CENPP: variants seen among roughly 807,000 people sequenced by gnomAD.
CENPP encodes centromere protein P.
A neutral mutation model predicts 35.6 loss-of-function variants in CENPP; 24 were observed. That is an observed-to-expected ratio of 0.67 (90% CI 0.49 to 0.95). The LOEUF (loss-of-function observed/expected upper bound fraction) is 0.95. Ranked by LOEUF, CENPP falls within the 40% of genes least tolerant of loss-of-function variation. The pLI is 0.00. For synonymous variants in CENPP, 120 were observed against 125.5 expected, an observed-to-expected ratio of 0.96 and a Z score of 0.29; for missense variants, 332 against 345.3, an observed-to-expected ratio of 0.96 and a Z score of 0.31.
At chr9:92,543,409 T>G (rs150971651) in intron 5 of CENPP, among the ~76,000 whole-genome samples, 34 of 140,556 alleles carry the variant, frequency 2.4e-4, no homozygotes, top group African/African-American at 9.0e-4. Context: ...GAGGTGGAGG[T>G]TGCAGTGAGC....
intron 5 of CENPP, among the ~76,000 whole-genome samples, chr9:92,581,782 A>G (rs142389946): frequency 2.2e-4 from 34 of 152,370 alleles, no homozygotes; most frequent in Non-Finnish European, 2.8e-4. Flanking sequence ...AAATATGTCA[A>G]ACAGTGACTG....
chr9:92,339,021 A>T (rs1480350008), intron 3 of CENPP, among the ~76,000 whole-genome samples: 3 of 152,218 alleles, frequency 2.0e-5, no homozygotes, highest in Non-Finnish European at 4.4e-5. Context: ...GTTGAAAGCC[A>T]GAGAAAGCAG....
chr9:92,387,901 C>T (rs748346832), intron 5 of CENPP, among the ~76,000 whole-genome samples: 10 of 151,740 alleles, frequency 6.6e-5, no homozygotes, highest in Admixed American at 2.0e-4. Context: ...GTAGCTGGGA[C>T]GACAGGTGCC....
At position 92,416,058 on chromosome 9, in the gene CENPP, G is replaced by GTGTGTGTATATATATATA. The variant is rs6151074; in HGVS notation, c.564+36200_564+36201insGTGTGTATATATATATAT. Among the ~76,000 whole-genome samples the GTGTGTGTATATATATATA allele has an allele frequency of 2.1e-4, 28 of 130,904 alleles. No homozygotes were observed. In the South Asian group the frequency reaches 2.3e-3, roughly 11 times the overall value. 85.9% of individuals were successfully genotyped at this position (130,904 alleles called of 152,430 possible). ...ATAAATAAATATATTATATATGTGT[G>GTGTGTGTATATATATATA]TATATATATATATTTATTTATTTAT... On this transcript the variant is annotated intron_variant, in intron 5 of 7. Coordinates refer to ENST00000375587, the MANE Select transcript of CENPP (RefSeq NM_001012267.3).
Position 92,377,250 on chromosome 9 carries a change from A to T in CENPP, c.468-2513A>T, listed in dbSNP as rs143761809. ...GGGAAGCCTTTCTGAGGGCTCCTTA[A>T]CCCTCACTATCTACCTAAATAATTT... On this transcript the variant is annotated intron_variant, in intron 4 of 7. Transcript: ENST00000375587. Among the ~76,000 whole-genome samples, 582 of 152,264 alleles carry T rather than the reference A, an allele frequency of 3.8e-3. 4 individuals are homozygous for T. The highest frequency in any genetic ancestry group is 0.013 in the African/African-American group (551 of 41,546).
At chr9:92,467,567 C>A (rs747789544) in intron 5 of CENPP, among the ~76,000 whole-genome samples, 2 of 152,200 alleles carry the variant, frequency 1.3e-5, no homozygotes. Context: ...TCTCAAGGAG[C>A]AGCTCTAGAT....
At position 92,618,892 on chromosome 9, in the gene CENPP, A is replaced by G. The variant is rs1851532709; in HGVS notation, c.*5743A>G. 3.1e-6 allele frequency: 1 copy of G among 322,082 alleles called. No homozygotes were observed. The highest frequency in any genetic ancestry group is 2.7e-5 in the South Asian group (1 of 37,148). The allele number at this position is 322,082 out of a possible 1,614,324, so 20.0% of individuals were successfully genotyped here. ...GCAAATACTGGGTGCAGGGTTTAGC[A>G]CCCCTGAAGATCGGTGATGGAGATG... On this transcript the variant is annotated 3_prime_UTR_variant, in exon 8 of 8. Transcript: ENST00000375587.
chr9:92,534,443 C>T (rs1320742195), intron 5 of CENPP, among the ~76,000 whole-genome samples: 1 of 152,192 alleles, frequency 6.6e-6, no homozygotes, highest in African/African-American at 2.4e-5. Flanking sequence ...TCTAAAGTAT[C>T]TTCATGCCAG....
At chr9:92,344,539 T>TTTA (rs1305181967) in intron 3 of CENPP, among the ~76,000 whole-genome samples, 2 of 151,950 alleles carry the variant, frequency 1.3e-5, no homozygotes, top group Non-Finnish European at 2.9e-5. Context: ...ATTATTTATT[T>TTTA]TTATTATTAT....
rs1421633499 is a variant in CENPP at position 92,618,613 on chromosome 9, CTT to C, written c.*5465_*5466del. 4.4e-6 allele frequency: 2 copies of C among 455,248 alleles called. No individual in the cohort carries two copies. The highest frequency in any genetic ancestry group is 8.9e-6 in the Non-Finnish European group (2 of 225,844). The allele number at this position is 455,248 out of a possible 1,614,324, so 28.2% of individuals were successfully genotyped here. On this transcript the variant is annotated 3_prime_UTR_variant, in exon 8 of 8. Transcript: ENST00000375587. Reference sequence around the variant, plus strand: ...AATCCAGTTAAGGAATTCCTCATAACTTAGCCCTGTAGGTATTTCCTTAGGGG... The same window carrying C: ...AATCCAGTTAAGGAATTCCTCATAACAGCCCTGTAGGTATTTCCTTAGGGG...
intron 5 of CENPP, among the ~76,000 whole-genome samples, chr9:92,441,103 G>A (rs541372014): frequency 4.6e-5 from 7 of 152,044 alleles, no homozygotes; most frequent in East Asian, 1.9e-4. Context: ...TTAAGAAAAC[G>A]TTAATAAAAA....
intron 5 of CENPP, chr9:92,415,394 G>A (rs1283089062): frequency 6.2e-7 from 1 of 1,613,496 alleles, no homozygotes; most frequent in Non-Finnish European, 8.5e-7. Flanking sequence ...GGTTCTTTTA[G>A]TTTATTTTGG....
intron 1 of CENPP, among the ~76,000 whole-genome samples, chr9:92,327,720 G>A (rs1376635220): frequency 6.6e-6 from 1 of 152,194 alleles, no homozygotes; most frequent in Non-Finnish European, 1.5e-5. Context: ...ATCAAAGCCT[G>A]TGGAACAGGG....
intron 6 of CENPP, among the ~76,000 whole-genome samples, chr9:92,611,819 G>T (rs964925938): frequency 6.6e-6 from 1 of 152,216 alleles, no homozygotes; most frequent in Non-Finnish European, 1.5e-5. Context: ...ACCCTGGCCC[G>T]TGCCGTGTTC....
At chr9:92,514,665 C>T (rs1326388370) in intron 5 of CENPP, 3 of 1,602,026 alleles carry the variant, frequency 1.9e-6, no homozygotes, top group Non-Finnish European at 2.6e-6. Context: ...GTGGTGCTGT[C>T]AGCGGTGGTA....
intron 5 of CENPP, among the ~76,000 whole-genome samples, chr9:92,509,491 G>A (rs1412692366): frequency 1.3e-5 from 2 of 152,198 alleles, no homozygotes; most frequent in African/African-American, 4.8e-5. Flanking sequence ...GACCATCAGA[G>A]TGATAAAGGA....
chr9:92,340,700 C>T (rs990153168), intron 3 of CENPP, among the ~76,000 whole-genome samples: 5 of 152,124 alleles, frequency 3.3e-5, no homozygotes, highest in Non-Finnish European at 5.9e-5. Context: ...TATCACTTCC[C>T]CAATCAATAC....
At chr9:92,496,354 T>C (rs375516326) in intron 5 of CENPP, 21 of 1,603,216 alleles carry the variant, frequency 1.3e-5, no homozygotes, top group Non-Finnish European at 1.7e-5. Flanking sequence ...TACTTGAGTA[T>C]GATCTTATGC....
intron 5 of CENPP, among the ~76,000 whole-genome samples, chr9:92,506,510 G>A (rs751702517): frequency 6.6e-5 from 10 of 152,160 alleles, no homozygotes; most frequent in Non-Finnish European, 1.5e-4. Flanking sequence ...AGAGGCTCAG[G>A]GTGTGGCCAA....
Sources: gnomAD v4.1 joint callset for allele counts (sites outside exome capture counted in the v4.1 genomes callset) on GRCh38, gnomAD v4.1.1 for gene constraint, MANE v1.5 for transcripts, NCBI Gene and HGNC (gene_info 2026-07-23, HGNC 2026-07-21) for gene names.